APBA3: variants seen among roughly 807,000 people sequenced by gnomAD.
APBA3 encodes amyloid-beta A4 precursor protein-binding family A member 3.
In APBA3, 45 loss-of-function variants were observed where a neutral mutation model predicts 55.9. The observed-to-expected ratio is 0.80, with a 90% CI of 0.63 to 1.03. APBA3 has a LOEUF of 1.03. APBA3 is among the 50% of genes least tolerant of loss of function. APBA3 has a pLI of 0.00. For synonymous variants in APBA3, 370 were observed against 353.3 expected, an observed-to-expected ratio of 1.05 and a Z score of -0.53; for missense variants, 865 against 820.3, an observed-to-expected ratio of 1.05 and a Z score of -0.67.
chr19:3,759,567 G>T lies in APBA3; in HGVS notation c.610C>A (p.Gln204Lys). 1 of 1,598,484 alleles carries T rather than the reference G, an allele frequency of 6.3e-7. No individual in the cohort carries two copies. The highest frequency in any genetic ancestry group is 1.1e-5 in the South Asian group (1 of 89,222). ...PETLASYPAPQEVPGPCDHED... is the reference protein window; with the variant it reads ...PETLASYPAPKEVPGPCDHED... ...GGGTGGGCGGGACACTCACCCTCCT[G>T]GGGGGCAGGGTAGGAAGCCAGGGTC... The change falls in exon 3 of 11, where the codon CAG (glutamine) becomes AAG (lysine). Residue 204 changes from glutamine to lysine, a missense_variant. Coordinates refer to ENST00000316757, the MANE Select transcript of APBA3 (RefSeq NM_004886.4).
At chr19:3,761,288 G>T (rs1488814531) in intron 1 of APBA3, among the ~76,000 whole-genome samples, 1 of 151,954 alleles carries the variant, frequency 6.6e-6, no homozygotes, top group Non-Finnish European at 1.5e-5. Flanking sequence ...CAAGACCCCA[G>T]TCCCATGACC....
At chr19:3,751,361 G>A (rs1197097937) in intron 9 of APBA3, 32 bp from the exon 10 acceptor site, 2 of 1,518,814 alleles carry the variant, frequency 1.3e-6, no homozygotes, top group Non-Finnish European at 1.8e-6. Flanking sequence ...CGGGAAAGAG[G>A]TGGGGGCTGC....
rs530351235 is a variant in APBA3 at position 3,760,387 on chromosome 19, G to A, written c.-37-86C>T. ...CCCAGAATTTTGGGAGGCCCAGAAG[G>A]GCTGACTGAACCCAGGAGTTCAAGA... On this transcript the variant is annotated intron_variant, in intron 1 of 10. Coordinates refer to ENST00000316757, the MANE Select transcript of APBA3 (RefSeq NM_004886.4). 5.6e-3 allele frequency: 4,765 copies of A among 844,298 alleles called. 21 individuals carry two copies. The highest frequency in any genetic ancestry group is 6.8e-3 in the Non-Finnish European group (3,836 of 562,034). The allele number at this position is 844,298 out of a possible 1,614,324, so 52.3% of individuals were successfully genotyped here.
rs1599169308 is a variant in APBA3 at position 3,751,081 on chromosome 19, A to G, written c.1673T>C (p.Met558Thr). Residue 558 changes from methionine (M) to threonine (T), a missense_variant, in exon 11 of 11, where the codon ATG becomes ACG. Physicochemically the swap from Met to Thr is moderately conservative, Grantham distance 81. Coordinates refer to ENST00000316757, the MANE Select transcript of APBA3 (RefSeq NM_004886.4). ...AAGGAGGCGATATGTGGCAGCTGGC[A>G]TCGTCTTGATATGCACCTGGGGAGT... ...EAYGEVHIKT[M>T]PAATYRLLTG... The G allele has an allele frequency of 6.4e-7, 1 of 1,567,394 alleles. No individual in the cohort carries two copies. Among genetic ancestry groups the G allele is most frequent in the Non-Finnish European group, 8.7e-7 (1 of 1,155,666 alleles).
At chr19:3,753,447 G>A (rs913521253) in intron 6 of APBA3, 7 of 369,594 alleles carry the variant, frequency 1.9e-5, no homozygotes, top group South Asian at 1.0e-4. Context: ...GTTTGAGACC[G>A]TGTTCACCTG....
rs1316777854 is a variant in APBA3, at chr19:3,750,850, C to G, written c.*176G>C. 4.1e-6 allele frequency: 4 copies of G among 971,854 alleles called. No homozygotes were observed. The highest frequency in any genetic ancestry group is 6.3e-6 in the Non-Finnish European group (4 of 637,356). 60.2% of individuals were successfully genotyped at this position (971,854 alleles called of 1,614,324 possible). A position where few individuals can be genotyped will look rare whatever the true frequency, so the allele number is the denominator to read the frequency against. On this transcript the variant is annotated 3_prime_UTR_variant, in exon 11 of 11. Coordinates refer to ENST00000316757, the MANE Select transcript of APBA3 (RefSeq NM_004886.4). ...TGGCTTCCAGGAAGGACAAGGTCCT[C>G]GGTCCCGTAGACCCTGATCCGAGAC...
At chr19:3,752,266 C>T (rs1484992211) in intron 8 of APBA3, among the ~76,000 whole-genome samples, 3 of 152,044 alleles carry the variant, frequency 2.0e-5, no homozygotes, top group Non-Finnish European at 2.9e-5. Context: ...GAGAGTGGCC[C>T]AGCCCTGGAG....
At chr19:3,758,835 G>C (rs867392853) in intron 3 of APBA3, among the ~76,000 whole-genome samples, 1 of 151,864 alleles carries the variant, frequency 6.6e-6, no homozygotes, top group Non-Finnish European at 1.5e-5. Context: ...CCGGGATCAC[G>C]CCACTGCACT....
intron 3 of APBA3, among the ~76,000 whole-genome samples, chr19:3,757,549 C>T (rs1419591131): frequency 6.6e-6 from 1 of 152,102 alleles, no homozygotes; most frequent in African/African-American, 2.4e-5. Flanking sequence ...CTGACCAAGA[C>T]GGTGAAACGC....
At position 3,759,860 on chromosome 19, in the gene APBA3, G is replaced by A. The variant is rs767042737; in HGVS notation, c.405C>T (p.Ala135=). 1.9e-6 allele frequency: 3 copies of A among 1,612,614 alleles called. No homozygotes were observed. The highest frequency in any genetic ancestry group is 1.1e-5 in the South Asian group (1 of 91,076). The change falls in exon 2 of 11, where the codon GCC becomes GCT. Residue 135 remains alanine, a synonymous_variant. Transcript: ENST00000316757. ...CCTCAGGGGGCTGCAACAGTCGGGGGGCAGGCTCTAGAGGCTCTTCAGGAC... is the reference window on the plus strand; with the variant it reads ...CCTCAGGGGGCTGCAACAGTCGGGGAGCAGGCTCTAGAGGCTCTTCAGGAC... ...QTGPEEPLEP[A]PRLLQPPEDP...
chr19:3,757,338 C>T (rs2037089681), intron 3 of APBA3, among the ~76,000 whole-genome samples: 1 of 152,130 alleles, frequency 6.6e-6, no homozygotes, highest in Non-Finnish European at 1.5e-5. Context: ...AACTCCTGGG[C>T]TCAAGCGATC....
intron 3 of APBA3, among the ~76,000 whole-genome samples, chr19:3,757,696 A>G (rs2037095023): frequency 6.6e-6 from 1 of 151,614 alleles, no homozygotes. Flanking sequence ...TGCACCACTG[A>G]AAAAAAAAGT....
intron 1 of APBA3, among the ~76,000 whole-genome samples, chr19:3,760,521 G>GGGCA (rs76513646): frequency 0.18 from 27,422 of 151,988 alleles, 2,646 homozygotes; most frequent in Middle Eastern, 0.21. Flanking sequence ...AGGCCGAGGC[G>GGGCA]GGCAGATCAT....
chr19:3,757,091 T>A (rs2037086323), intron 3 of APBA3, among the ~76,000 whole-genome samples: 1 of 151,980 alleles, frequency 6.6e-6, no homozygotes, highest in African/African-American at 2.4e-5. Flanking sequence ...AACCAGTTTT[T>A]CTCTCTGCAA....
chr19:3,760,253 G>A lies in APBA3; in HGVS notation c.12C>T (p.Pro4=). 2 of 1,600,734 alleles carry A rather than the reference G, an allele frequency of 1.2e-6. No individual in the cohort carries two copies. Among genetic ancestry groups the A allele is most frequent in the Non-Finnish European group, 1.7e-6 (2 of 1,178,618 alleles). ...GCCCCGAAGGGGATCGGGAAATTGT[G>A]GGGAAGTCCATGCCTGGACTCCAGG... The part of the protein sequence containing the change: MDF[P]TISRSPSGPP... Residue 4 remains proline (P), a synonymous_variant, in exon 2 of 11, where the codon CCC becomes CCT. Transcript: ENST00000316757.
chr19:3,759,507 T>G (rs1490217066), intron 3 of APBA3, 54 bp downstream of exon 3: 28 of 1,528,394 alleles, frequency 1.8e-5, no homozygotes, highest in Middle Eastern at 2.1e-4. Flanking sequence ...TGAGCCTGAT[T>G]CTGGCTGTCT....
chr19:3,752,794 T>C, intron 7 of APBA3, 26 bp downstream of exon 7: 1 of 1,610,578 alleles, frequency 6.2e-7, no homozygotes, highest in Non-Finnish European at 8.5e-7. Flanking sequence ...GGGCACCAGG[T>C]GGGGGCTGCC....
intron 6 of APBA3, 68 bp from the exon 7 acceptor site, chr19:3,753,058 G>C: frequency 6.4e-7 from 1 of 1,566,644 alleles, no homozygotes; most frequent in Admixed American, 1.7e-5. Flanking sequence ...AAGTCCCCAG[G>C]GTCCTCAGAG....
At chr19:3,758,834 C>T (rs1008568781) in intron 3 of APBA3, among the ~76,000 whole-genome samples, 7 of 151,246 alleles carry the variant, frequency 4.6e-5, no homozygotes, top group African/African-American at 1.2e-4. Context: ...GCCGGGATCA[C>T]GCCACTGCAC....
Sources: allele counts gnomAD v4.1 joint callset (sites outside exome capture counted in the v4.1 genomes callset), GRCh38; gene constraint gnomAD v4.1.1; transcripts MANE v1.5; gene names NCBI Gene and HGNC (gene_info 2026-07-23, HGNC 2026-07-21).